Variants in NRSN1 observed in about 807,000 individuals in gnomAD.
NRSN1 encodes the protein neurensin 1, also known as neurensin-1.
NRSN1 carries 14 observed loss-of-function variants against 17.3 expected under a neutral mutation model. The observed-to-expected ratio is 0.81, with a 90% CI of 0.54 to 1.27. The LOEUF (loss-of-function observed/expected upper bound fraction) is 1.27, where lower values mean the gene tolerates loss of function less well. Among genes scored for constraint, NRSN1 ranks in the 50% most tolerant of loss-of-function variants. NRSN1 has a pLI of 0.00. For synonymous variants in NRSN1, 79 were observed against 94.2 expected (o/e 0.84, Z 0.93); for missense variants, 209 against 235.9 (o/e 0.89, Z 0.75).
At chr6:24,131,277 C>T (rs576102946) in intron 2 of NRSN1, among the ~76,000 whole-genome samples, 24 of 152,262 alleles carry the variant, frequency 1.6e-4, no homozygotes, top group Middle Eastern at 3.4e-3. Context: ...GTTCTGGTAG[C>T]AAACTGTTCA....
intron 3 of NRSN1, among the ~76,000 whole-genome samples, chr6:24,140,755 C>A (rs1259364556): frequency 1.3e-5 from 2 of 152,360 alleles, no homozygotes; most frequent in East Asian, 3.9e-4. Context: ...CGACTGCTGC[C>A]AGCTCTGTCT....
chr6:24,142,378 G>A (rs1262774813), intron 3 of NRSN1, among the ~76,000 whole-genome samples: 1 of 151,938 alleles, frequency 6.6e-6, no homozygotes, highest in Non-Finnish European at 1.5e-5. Flanking sequence ...GAAAAGTCAT[G>A]GGTAGCAGGA....
intron 3 of NRSN1, among the ~76,000 whole-genome samples, chr6:24,142,213 T>TTTTTTTTTTTTC (rs957826257): frequency 1.5e-4 from 20 of 132,632 alleles, no homozygotes; most frequent in Admixed American, 4.9e-4. Context: ...TTTTTTTTTT[T>TTTTTTTTTTTTC]TCAGAAGACA....
At chr6:24,135,782 T>A (rs1760110242) in intron 3 of NRSN1, among the ~76,000 whole-genome samples, 1 of 152,176 alleles carries the variant, frequency 6.6e-6, no homozygotes, top group African/African-American at 2.4e-5. Flanking sequence ...ACTTCTGAGA[T>A]CATCCAGGAG....
chr6:24,138,240 G>T (rs1760146420), intron 3 of NRSN1, among the ~76,000 whole-genome samples: 1 of 152,062 alleles, frequency 6.6e-6, no homozygotes, highest in African/African-American at 2.4e-5. Flanking sequence ...AGAGGTCCTA[G>T]GTTGCTGCAT....
At chr6:24,126,876 TG>T (rs1561864392) in intron 1 of NRSN1, among the ~76,000 whole-genome samples, 1 of 152,194 alleles carries the variant, frequency 6.6e-6, no homozygotes, top group African/African-American at 2.4e-5. Flanking sequence ...AGACAGAGTC[TG>T]GAGGCCTCAA....
intron 3 of NRSN1, among the ~76,000 whole-genome samples, chr6:24,139,748 T>C (rs150051707): frequency 5.3e-5 from 8 of 152,216 alleles, no homozygotes; most frequent in Non-Finnish European, 1.0e-4. Context: ...TGAATAAGAA[T>C]AGGTGGAGGT....
intron 1 of NRSN1, among the ~76,000 whole-genome samples, chr6:24,126,664 A>G (rs557411799): frequency 2.0e-5 from 3 of 152,262 alleles, no homozygotes; most frequent in East Asian, 1.9e-4. Flanking sequence ...TTTCCTTTCC[A>G]TAAGATAAGA....
intron 2 of NRSN1, among the ~76,000 whole-genome samples, chr6:24,132,451 G>C (rs1760049357): frequency 6.6e-6 from 1 of 152,168 alleles, no homozygotes; most frequent in African/African-American, 2.4e-5. Context: ...CACAAGCTCT[G>C]AGAAAACCTG....
Position 24,145,547 on chromosome 6 carries a change from G to T in NRSN1, c.190-1G>T. 6.3e-7 allele frequency: 1 copy of T among 1,579,854 alleles called. No individual in the cohort carries two copies. Among genetic ancestry groups the T allele is most frequent in the South Asian group, 1.2e-5 (1 of 84,644 alleles). Reference sequence around the variant, plus strand: ...TTGCTTCTGTCATTATCTACCTGTAGGTTGGACTCATCTCAGGTACAGTTT... The same window carrying T: ...TTGCTTCTGTCATTATCTACCTGTATGTTGGACTCATCTCAGGTACAGTTT... On this transcript the variant is annotated splice_acceptor_variant, in intron 3 of 3. Transcript: ENST00000378491. LOFTEE classifies it high-confidence loss of function. This position sits in a 1 kb window ranked among gnomAD's most constrained non-coding sequence, Gnocchi z 4.4.
chr6:24,144,370 T>A (rs1410092075), intron 3 of NRSN1, among the ~76,000 whole-genome samples: 1 of 150,500 alleles, frequency 6.6e-6, no homozygotes. Flanking sequence ...AACACACCTA[T>A]ATGTTGAACA....
At chr6:24,140,714 C>T (rs1464256445) in intron 3 of NRSN1, among the ~76,000 whole-genome samples, 1 of 152,234 alleles carries the variant, frequency 6.6e-6, no homozygotes, top group African/African-American at 2.4e-5. Context: ...ACAGTCATTC[C>T]TGCCTCGTCT....
chr6:24,135,905 G>A (rs991814585), intron 3 of NRSN1, among the ~76,000 whole-genome samples: 4 of 152,120 alleles, frequency 2.6e-5, no homozygotes, highest in African/African-American at 9.7e-5. Flanking sequence ...TAATGCCTAA[G>A]GTCTTCCTTA....
chr6:24,131,283 G>A (rs1480660749), intron 2 of NRSN1, among the ~76,000 whole-genome samples: 3 of 152,168 alleles, frequency 2.0e-5, no homozygotes, highest in African/African-American at 7.2e-5. Context: ...GTAGCAAACT[G>A]TTCAGGGAAT....
At chr6:24,134,268 T>C in intron 2 of NRSN1, 51 bp from the exon 3 acceptor site, 2 of 1,459,090 alleles carry the variant, frequency 1.4e-6, no homozygotes, top group African/African-American at 1.4e-5. Flanking sequence ...TGTCTTTTGA[T>C]CCTGTGGCCA....
At chr6:24,137,728 T>G (rs1247277752) in intron 3 of NRSN1, among the ~76,000 whole-genome samples, 1 of 152,044 alleles carries the variant, frequency 6.6e-6, no homozygotes, top group East Asian at 1.9e-4. Flanking sequence ...TTCCCCTTCC[T>G]GGTACACAGA....
chr6:24,134,720 G>A (rs545239093), intron 3 of NRSN1, among the ~76,000 whole-genome samples: 2 of 152,156 alleles, frequency 1.3e-5, no homozygotes, highest in Non-Finnish European at 2.9e-5. Flanking sequence ...AACTATTGAT[G>A]AGCAGATTAA....
rs553149627 is a variant in NRSN1, at chr6:24,140,287, T to C, written c.190-5261T>C. On this transcript the variant is annotated intron_variant, in intron 3 of 3. Coordinates refer to ENST00000378491, the MANE Select transcript of NRSN1 (RefSeq NM_080723.5). ...AGAGCTGGAGAATTGCTTTCGAAGA[T>C]GGAGGCAGTTGAATGTGTTTATGCG... Among the ~76,000 whole-genome samples the C allele has an allele frequency of 2.0e-3, 305 of 152,218 alleles. 2 individuals carry two copies. Among genetic ancestry groups the C allele is most frequent in the South Asian group, 0.013 (63 of 4,820 alleles).
Position 24,145,841 on chromosome 6 carries a change from C to G in NRSN1, c.483C>G (p.Ile161Met). ...QQKFKERIAD[I>M]KAHTQPVTKA... ...AGTTTAAAGAACGAATCGCAGACAT[C>G]AAAGCCCACACCCAGCCGGTTACAA... Residue 161 changes from isoleucine (I) to methionine (M), a missense_variant, in exon 4 of 4, where the codon ATC becomes ATG. Physicochemically the swap from Ile to Met is conservative, Grantham distance 10 (BLOSUM62 1). Transcript: ENST00000378491. This position sits in a 1 kb window ranked among gnomAD's most constrained non-coding sequence, Gnocchi z 4.4. The G allele has an allele frequency of 6.2e-7, 1 of 1,614,182 alleles. No homozygotes were observed. Among genetic ancestry groups the G allele is most frequent in the South Asian group, 1.1e-5 (1 of 91,082 alleles).
Sources: gnomAD v4.1 joint callset for allele counts (sites outside exome capture counted in the v4.1 genomes callset) on GRCh38, gnomAD v4.1.1 for gene constraint, Gnocchi (gnomAD v3.1) non-coding constraint, MANE v1.5 for transcripts, NCBI Gene and HGNC (gene_info 2026-07-23, HGNC 2026-07-21) for gene names.